The following SLC2A13 variants were observed in gnomAD, a reference collection of about 807,000 sequenced individuals.
The protein encoded by SLC2A13 is solute carrier family 2 member 13.
A neutral mutation model predicts 64.4 loss-of-function variants in SLC2A13; 32 were observed. The ratio of observed to expected loss-of-function variants is 0.50; its 90% CI spans 0.37 to 0.67. SLC2A13 has a LOEUF of 0.67. SLC2A13 is among the 30% of genes least tolerant of loss of function. The pLI is 0.00. For missense variants in SLC2A13, 743 were observed against 829.2 expected (o/e 0.90, Z 1.28); for synonymous variants, 338 against 327.1 (o/e 1.03, Z -0.36).
chr12:39,783,465 G>A (rs1314209628), intron 7 of SLC2A13, among the ~76,000 whole-genome samples: 3 of 152,182 alleles, frequency 2.0e-5, no homozygotes, highest in Non-Finnish European at 4.4e-5. Flanking sequence ...CACAATGGTT[G>A]AACTAGTTTA....
intron 1 of SLC2A13, among the ~76,000 whole-genome samples, chr12:40,056,721 G>A (rs909331739): frequency 2.6e-5 from 4 of 152,190 alleles, no homozygotes; most frequent in Non-Finnish European, 5.9e-5. Context: ...TACAGAATAT[G>A]ACTAGCCCAG....
intron 1 of SLC2A13, among the ~76,000 whole-genome samples, chr12:40,053,058 G>A (rs1948284578): frequency 6.6e-6 from 1 of 152,004 alleles, no homozygotes. Flanking sequence ...AGAGGCAGGT[G>A]GATCATGAGG....
chr12:39,872,566 C>A (rs1944084856), intron 4 of SLC2A13, among the ~76,000 whole-genome samples: 1 of 152,298 alleles, frequency 6.6e-6, no homozygotes, highest in East Asian at 1.9e-4. Flanking sequence ...AAGTCTCTAG[C>A]ATGATTAAGC....
At chr12:40,063,588 G>T (rs2136256533) in intron 1 of SLC2A13, among the ~76,000 whole-genome samples, 1 of 152,008 alleles carries the variant, frequency 6.6e-6, no homozygotes, top group South Asian at 2.1e-4. Context: ...TTGCCCAGAA[G>T]TGTGCCAGCA....
At chr12:40,040,170 C>T (rs1948060819) in intron 2 of SLC2A13, among the ~76,000 whole-genome samples, 1 of 152,128 alleles carries the variant, frequency 6.6e-6, no homozygotes. Flanking sequence ...CAAACAATAC[C>T]TAATAGCACT....
chr12:39,972,008 A>T lies in SLC2A13; in HGVS notation c.926-20643T>A, dbSNP rs1301763387. On this transcript the variant is annotated intron_variant, in intron 3 of 9. Transcript: ENST00000280871. ...GAAAAAAAAAAAAAAATATATATATATATATATTTTTTTTTATATAAATAT... is the reference window on the plus strand; with the variant it reads ...GAAAAAAAAAAAAAAATATATATATTTATATATTTTTTTTTATATAAATAT... Among the ~76,000 whole-genome samples, 11 of 30,226 alleles carry T rather than the reference A, an allele frequency of 3.6e-4. 1 individual carries two copies. Among genetic ancestry groups the T allele is most frequent in the Middle Eastern group, 0.012 (1 of 84 alleles). The allele number at this position is 30,226 out of a possible 152,430, so 19.8% of individuals were successfully genotyped here.
At chr12:39,971,741 G>A (rs1471174719) in intron 3 of SLC2A13, among the ~76,000 whole-genome samples, 4 of 151,960 alleles carry the variant, frequency 2.6e-5, no homozygotes, top group East Asian at 3.9e-4. Context: ...TTGGGAGGCC[G>A]AGGTGGGCAG....
At chr12:39,919,124 G>A (rs1019001975) in intron 4 of SLC2A13, among the ~76,000 whole-genome samples, 11 of 151,842 alleles carry the variant, frequency 7.2e-5, no homozygotes, top group South Asian at 2.1e-4. Flanking sequence ...GGGACTACAC[G>A]CTTGTGTGCC....
chr12:39,842,187 T>C (rs973706281), intron 6 of SLC2A13, among the ~76,000 whole-genome samples: 1 of 152,006 alleles, frequency 6.6e-6, no homozygotes, highest in Non-Finnish European at 1.5e-5. Flanking sequence ...GGCTGAACAA[T>C]ATAAAGAAAA....
chr12:40,047,384 C>T (rs888287848), intron 2 of SLC2A13, among the ~76,000 whole-genome samples: 1 of 152,066 alleles, frequency 6.6e-6, no homozygotes, highest in African/African-American at 2.4e-5. Flanking sequence ...ATTGTATAAC[C>T]TCTAATGCCT....
In SLC2A13 at chr12:40,001,576, C is replaced by T. The variant is rs532826615; in HGVS notation, c.925+26725G>A. Among the ~76,000 whole-genome samples, 5 of 152,302 alleles carry T rather than the reference C, an allele frequency of 3.3e-5. No homozygotes were observed. The East Asian group carries it at 9.6e-4, about 29-fold the overall frequency. The stretch of plus-strand genomic sequence containing the variant: ...TGAAACTTGGTAGTTAAATGACTTG[C>T]CCAAGGTCACAGACTAAGAACTGAG... On this transcript the variant is annotated intron_variant, in intron 3 of 9. Coordinates refer to ENST00000280871, the MANE Select transcript of SLC2A13 (RefSeq NM_052885.4).
chr12:40,100,984 A>AG (rs1335719945), intron 1 of SLC2A13, among the ~76,000 whole-genome samples: 1 of 151,390 alleles, frequency 6.6e-6, no homozygotes, highest in Non-Finnish European at 1.5e-5. Context: ...AAAAAAAAAA[A>AG]AAAAAAGATT....
rs375951534 is a variant in SLC2A13, at chr12:39,784,129, C to T, written c.1446-19271G>A. 5.9e-5 allele frequency among the ~76,000 whole-genome samples: 9 copies of T among 152,242 alleles called. No individual in the cohort carries two copies. The South Asian group carries it at 6.2e-4, about 11-fold the overall frequency. On this transcript the variant is annotated intron_variant, in intron 7 of 9. Transcript: ENST00000280871. ...GCTCATGGATAGGAAGAATCAATAT[C>T]GTGAAAATGGCTATACTGCCCAAGG...
chr12:39,799,453 G>A (rs577452419), intron 7 of SLC2A13, among the ~76,000 whole-genome samples: 28 of 63,512 alleles, frequency 4.4e-4, no homozygotes, highest in East Asian at 1.6e-3. Context: ...TCTACACGGC[G>A]CACTTTTACA....
At chr12:39,947,852 G>C (rs1946164495) in intron 4 of SLC2A13, among the ~76,000 whole-genome samples, 1 of 151,850 alleles carries the variant, frequency 6.6e-6, no homozygotes, top group Non-Finnish European at 1.5e-5. Flanking sequence ...AGTAGAAACA[G>C]GGTTTCACTG....
intron 5 of SLC2A13, among the ~76,000 whole-genome samples, chr12:39,865,756 T>C (rs1943890513): frequency 1.3e-5 from 2 of 152,204 alleles, no homozygotes; most frequent in Admixed American, 6.5e-5. Flanking sequence ...GGCCATGATC[T>C]TTAGCAAACT....
Position 40,034,403 on chromosome 12 carries a change from T to C in SLC2A13, c.717-5894A>G, listed in dbSNP as rs77607154. Among the ~76,000 whole-genome samples, 1,432 of 152,286 alleles carry C rather than the reference T, an allele frequency of 9.4e-3. 16 individuals are homozygous for C. The highest frequency in any genetic ancestry group is 0.032 in the African/African-American group (1,342 of 41,544). On this transcript the variant is annotated intron_variant, in intron 2 of 9. Transcript: ENST00000280871. ...ACTTTTTAGTCACAGTTAATCTTGA[T>C]ACTTTCTGAAACACTAAGATTGGCT...
intron 1 of SLC2A13, among the ~76,000 whole-genome samples, chr12:40,059,167 C>A (rs1027437479): frequency 5.3e-5 from 8 of 152,156 alleles, no homozygotes; most frequent in African/African-American, 1.7e-4. Flanking sequence ...TGCTGCTACT[C>A]AATGATTTGA....
chr12:40,026,299 T>C (rs985749687), intron 3 of SLC2A13, among the ~76,000 whole-genome samples: 2 of 152,350 alleles, frequency 1.3e-5, no homozygotes, highest in Admixed American at 6.5e-5. Context: ...AATAACATTA[T>C]AGTATTTTTA....
Sources: allele counts gnomAD v4.1 joint callset (sites outside exome capture counted in the v4.1 genomes callset), GRCh38; gene constraint gnomAD v4.1.1; transcripts MANE v1.5; gene names NCBI Gene and HGNC (gene_info 2026-07-23, HGNC 2026-07-21).